The following HIBADH variants were observed in gnomAD, a reference collection of about 807,000 sequenced individuals.
The protein encoded by HIBADH is 3-hydroxyisobutyrate dehydrogenase, mitochondrial.
A neutral mutation model predicts 36.1 loss-of-function variants in HIBADH; 25 were observed. That is an observed-to-expected ratio of 0.69 (90% CI 0.50 to 0.97). The LOEUF is 0.97. Ranked by LOEUF, HIBADH falls within the 50% of genes least tolerant of loss-of-function variation. The pLI is 0.00. For synonymous variants in HIBADH, 160 were observed against 149.5 expected (o/e 1.07, Z -0.51); for missense variants, 421 against 418.0 (o/e 1.01, Z -0.06).
At chr7:27,595,377 G>A (rs1785014349) in intron 4 of HIBADH, among the ~76,000 whole-genome samples, 1 of 151,988 alleles carries the variant, frequency 6.6e-6, no homozygotes, top group African/African-American at 2.4e-5. Context: ...AATTAGCCAG[G>A]CATTGTGGTA....
chr7:27,566,835 T>G (rs1583572905), intron 4 of HIBADH, among the ~76,000 whole-genome samples: 1 of 152,170 alleles, frequency 6.6e-6, no homozygotes, highest in East Asian at 1.9e-4. Context: ...TCCAAATATT[T>G]GAGGAGTAAA....
intron 4 of HIBADH, among the ~76,000 whole-genome samples, chr7:27,597,940 T>C (rs1238817843): frequency 6.6e-6 from 1 of 152,194 alleles, no homozygotes; most frequent in Non-Finnish European, 1.5e-5. Flanking sequence ...TTACTCCCAG[T>C]TGTGTCAAAG....
chr7:27,618,001 C>T (rs1184094869), intron 4 of HIBADH, among the ~76,000 whole-genome samples: 3 of 152,242 alleles, frequency 2.0e-5, no homozygotes, highest in African/African-American at 7.2e-5. Context: ...AACTGAAGCA[C>T]ACTCTACAGT....
chr7:27,574,860 C>A (rs970590788), intron 4 of HIBADH, among the ~76,000 whole-genome samples: 5 of 152,110 alleles, frequency 3.3e-5, no homozygotes, highest in African/African-American at 9.7e-5. Flanking sequence ...AATGAACATA[C>A]CATTTTAAAT....
At chr7:27,527,404 G>T (rs1783920059) in intron 7 of HIBADH, among the ~76,000 whole-genome samples, 1 of 152,144 alleles carries the variant, frequency 6.6e-6, no homozygotes, top group South Asian at 2.1e-4. Flanking sequence ...CACAAACGAG[G>T]CTCAGCCAAG....
chr7:27,611,135 A>T (rs916767653), intron 4 of HIBADH, among the ~76,000 whole-genome samples: 1 of 152,212 alleles, frequency 6.6e-6, no homozygotes, highest in South Asian at 2.1e-4. Context: ...ACACATACAC[A>T]CAAGTTCAAT....
chr7:27,583,744 A>G (rs1228031899), intron 4 of HIBADH, among the ~76,000 whole-genome samples: 1 of 151,940 alleles, frequency 6.6e-6, no homozygotes, highest in Non-Finnish European at 1.5e-5. Flanking sequence ...GGATTTCTTT[A>G]TACTCTTTAA....
chr7:27,575,686 A>T (rs1784699092), intron 4 of HIBADH, among the ~76,000 whole-genome samples: 1 of 152,206 alleles, frequency 6.6e-6, no homozygotes, highest in Non-Finnish European at 1.5e-5. Context: ...TCTAAGAAAT[A>T]ATGCACAGGG....
At chr7:27,547,334 C>G (rs965443757) in intron 4 of HIBADH, among the ~76,000 whole-genome samples, 1 of 152,210 alleles carries the variant, frequency 6.6e-6, no homozygotes, top group Middle Eastern at 3.2e-3. Flanking sequence ...TCCCTGACCA[C>G]TCAACCTAAC....
chr7:27,655,866 C>T (rs984425527), intron 1 of HIBADH, among the ~76,000 whole-genome samples: 3 of 152,076 alleles, frequency 2.0e-5, no homozygotes, highest in Non-Finnish European at 4.4e-5. Flanking sequence ...ATAAAAACTA[C>T]TCTTGGTAAG....
chr7:27,527,047 A>G (rs1339076332), intron 7 of HIBADH, among the ~76,000 whole-genome samples: 1 of 58,466 alleles, frequency 1.7e-5, no homozygotes, highest in African/African-American at 1.6e-4. Context: ...AGAATGATCC[A>G]TCCTGGCAGA....
chr7:27,582,764 A>G (rs1381164962), intron 4 of HIBADH, among the ~76,000 whole-genome samples: 2 of 152,028 alleles, frequency 1.3e-5, no homozygotes, highest in Non-Finnish European at 1.5e-5. Context: ...GTGGTTTTTC[A>G]TTTCTCTTTG....
At chr7:27,526,528 G>A (rs16874305) in intron 7 of HIBADH, among the ~76,000 whole-genome samples, 156 bp from the exon 8 acceptor site, 17,934 of 152,110 alleles carry the variant, frequency 0.12, 1,491 homozygotes, top group East Asian at 0.42. Flanking sequence ...TTAAATAAGC[G>A]CTTTCATATA....
chr7:27,541,582 A>T (rs1432751620), intron 5 of HIBADH: 1 of 255,272 alleles, frequency 3.9e-6, no homozygotes. Flanking sequence ...GGATTTGTTT[A>T]TCTTGAAATG....
chr7:27,638,329 AAC>A lies in HIBADH; in HGVS notation c.253-5886_253-5885del, dbSNP rs1554300498. On this transcript the variant is annotated intron_variant, in intron 2 of 7. Coordinates refer to ENST00000265395, the MANE Select transcript of HIBADH (RefSeq NM_152740.4). The stretch of plus-strand genomic sequence containing the variant: ...AAGTCAAAAAAAAAAAAAAAAAAAA[AAC>A]AAGCAATAAGGAAAGGACTCCCTAT... Among the ~76,000 whole-genome samples the A allele has an allele frequency of 2.5e-3, 277 of 112,504 alleles. 3 individuals are homozygous for A. Among genetic ancestry groups the A allele is most frequent in the African/African-American group, 7.8e-3 (265 of 34,114 alleles). The allele number at this position is 112,504 out of a possible 152,430, so 73.8% of individuals were successfully genotyped here. A position where few individuals can be genotyped will look rare whatever the true frequency, so the allele number is the denominator to read the frequency against.
At chr7:27,572,195 C>T (rs1017523409) in intron 4 of HIBADH, among the ~76,000 whole-genome samples, 5 of 152,168 alleles carry the variant, frequency 3.3e-5, no homozygotes, top group Non-Finnish European at 5.9e-5. Context: ...GAGCTTCTGG[C>T]TTTATTTATT....
intron 1 of HIBADH, among the ~76,000 whole-genome samples, chr7:27,651,500 A>T (rs1035038011): frequency 2.6e-5 from 4 of 152,360 alleles, no homozygotes; most frequent in African/African-American, 9.6e-5. Flanking sequence ...AACTCTAACT[A>T]ATGCTCATAA....
chr7:27,551,562 A>G (rs1464488341), intron 4 of HIBADH, among the ~76,000 whole-genome samples: 1 of 152,242 alleles, frequency 6.6e-6, no homozygotes, highest in African/African-American at 2.4e-5. Flanking sequence ...GCTGACCCAA[A>G]GAATTATGAT....
At chr7:27,594,998 T>G (rs1785006512) in intron 4 of HIBADH, among the ~76,000 whole-genome samples, 1 of 152,170 alleles carries the variant, frequency 6.6e-6, no homozygotes, top group South Asian at 2.1e-4. Flanking sequence ...TAAAAGAAGA[T>G]GTACATAAAT....
Sources: gnomAD v4.1 joint callset for allele counts (sites outside exome capture counted in the v4.1 genomes callset) on GRCh38, gnomAD v4.1.1 for gene constraint, MANE v1.5 for transcripts, NCBI Gene and HGNC (gene_info 2026-07-23, HGNC 2026-07-21) for gene names.